TENM2: variants seen among roughly 807,000 people sequenced by gnomAD.
TENM2 encodes the protein teneurin transmembrane protein 2.
TENM2 carries 52 observed loss-of-function variants against 245.2 expected under a neutral mutation model. The observed-to-expected ratio is 0.21, with a 90% CI of 0.17 to 0.27. The LOEUF (loss-of-function observed/expected upper bound fraction) is 0.27. Ranked by LOEUF, TENM2 falls within the 10% of genes least tolerant of loss-of-function variation. The pLI is 1.00. For synonymous variants in TENM2, 1,363 were observed against 1,438.9 expected (o/e 0.95, Z 1.19); for missense variants, 3,046 against 3,666.8 (o/e 0.83, Z 4.37).
At chr5:167,701,558 A>G (rs1023324957) in intron 2 of TENM2, among the ~76,000 whole-genome samples, 3 of 152,202 alleles carry the variant, frequency 2.0e-5, no homozygotes, top group African/African-American at 7.2e-5. Flanking sequence ...TTTGCTTCTC[A>G]CTAACTGCAT....
the TENM2 span, among the ~76,000 whole-genome samples, chr5:166,999,724 G>A: frequency 3.9e-5 from 6 of 152,224 alleles, no homozygotes; most frequent in Middle Eastern, 3.4e-3. Context: ...ACAAGTTTTC[G>A]AGGAAAAGAT....
chr5:167,908,546 TGCCCTCTCTTCTCCTCTCTC>T, intron 3 of TENM2, among the ~76,000 whole-genome samples: 1 of 37,256 alleles, frequency 2.7e-5, no homozygotes, highest in Non-Finnish European at 5.3e-5. Context: ...TCTCCTCCCC[TGCCCTCTCTTCTCCTCTCTC>T]CTCCCCTCCC....
chr5:167,422,317 G>T (rs1763559626), intron 2 of TENM2, among the ~76,000 whole-genome samples: 1 of 152,136 alleles, frequency 6.6e-6, no homozygotes, highest in South Asian at 2.1e-4. Flanking sequence ...ACAATGTGCA[G>T]TTCAACATAA....
chr5:167,976,188 A>G (rs137895834), intron 4 of TENM2, among the ~76,000 whole-genome samples: 171 of 152,190 alleles, frequency 1.1e-3, no homozygotes, highest in Non-Finnish European at 1.8e-3. Context: ...TTGAGCACCT[A>G]TGAAAATAAC....
rs1442706503 is a variant in TENM2, at chr5:167,859,620, T to C, written c.503-16366T>C. ...GGGAGGGAGGTGGGGGGGTCAGCCC[T>C]CCGCCCGGCCAGCCGCCCCGTCTGG... On this transcript the variant is annotated intron_variant, in intron 2 of 28. Coordinates refer to ENST00000518659, the Ensembl canonical transcript of TENM2. Among the ~76,000 whole-genome samples the C allele has an allele frequency of 4.4e-3, 311 of 69,992 alleles. 2 individuals carry two copies. Among genetic ancestry groups the C allele is most frequent in the African/African-American group, 0.018 (266 of 15,180 alleles). 45.9% of individuals were successfully genotyped at this position (69,992 alleles called of 152,430 possible). A position where few individuals can be genotyped will look rare whatever the true frequency, so the allele number is the denominator to read the frequency against.
chr5:167,617,595 C>G (rs1777871965), intron 2 of TENM2, among the ~76,000 whole-genome samples: 3 of 152,276 alleles, frequency 2.0e-5, no homozygotes, highest in African/African-American at 7.2e-5. Flanking sequence ...TTTGCAGACT[C>G]ATATTCTGTC....
At chr5:167,350,835 A>G (rs540304435) in intron 1 of TENM2, among the ~76,000 whole-genome samples, 7 of 123,564 alleles carry the variant, frequency 5.7e-5, no homozygotes, top group Non-Finnish European at 8.3e-5. Flanking sequence ...TATATGGGAT[A>G]TATACATATG....
At chr5:168,005,474 C>A (rs550856653) in intron 5 of TENM2, among the ~76,000 whole-genome samples, 2 of 152,338 alleles carry the variant, frequency 1.3e-5, no homozygotes, top group African/African-American at 4.8e-5. Flanking sequence ...TGTCTCACCC[C>A]TCCCCAAAAA....
chr5:167,710,146 T>C (rs1270684995), intron 2 of TENM2, among the ~76,000 whole-genome samples: 7 of 152,174 alleles, frequency 4.6e-5, no homozygotes, highest in African/African-American at 9.7e-5. Context: ...AATCACTCTT[T>C]GAGAAGAAGC....
At chr5:167,852,768 G>A (rs1213078680) in intron 2 of TENM2, among the ~76,000 whole-genome samples, 2 of 152,096 alleles carry the variant, frequency 1.3e-5, no homozygotes, top group Admixed American at 6.6e-5. Flanking sequence ...GTGTGTACTC[G>A]TAGAATTCAA....
At chr5:167,958,706 A>C (rs934921142) in intron 4 of TENM2, among the ~76,000 whole-genome samples, 2 of 152,142 alleles carry the variant, frequency 1.3e-5, no homozygotes. Flanking sequence ...ATTTGCTTGT[A>C]TGTAAAGGAT....
At chr5:167,260,145 TATC>T in the TENM2 span, among the ~76,000 whole-genome samples, 1 of 152,190 alleles carries the variant, frequency 6.6e-6, no homozygotes, top group Admixed American at 6.5e-5. Context: ...GACTAACAAG[TATC>T]ATCTAGTTAT....
intron 2 of TENM2, among the ~76,000 whole-genome samples, chr5:167,579,030 T>C (rs1774903887): frequency 6.6e-6 from 1 of 152,178 alleles, no homozygotes; most frequent in Non-Finnish European, 1.5e-5. Context: ...TGTAGATGAG[T>C]GACTTTCCTT....
intron 23 of TENM2, 55 bp from the exon 26 acceptor site, chr5:168,226,033 C>A: frequency 1.3e-6 from 2 of 1,515,944 alleles, no homozygotes; most frequent in South Asian, 2.5e-5. Flanking sequence ...GGAACACTGT[C>A]AGCCCCAATG....
At chr5:167,706,872 G>A (rs969047627) in intron 2 of TENM2, among the ~76,000 whole-genome samples, 5 of 151,844 alleles carry the variant, frequency 3.3e-5, no homozygotes, top group Admixed American at 6.6e-5. Flanking sequence ...AAAATTGGCC[G>A]GGCATGGTGG....
intron 1 of TENM2, among the ~76,000 whole-genome samples, chr5:167,289,640 G>C (rs1754525408): frequency 6.6e-6 from 1 of 152,156 alleles, no homozygotes; most frequent in African/African-American, 2.4e-5. Context: ...ACTAATTCTT[G>C]CTCCTATGAT....
At chr5:168,026,285 G>C (rs935427415) in intron 5 of TENM2, among the ~76,000 whole-genome samples, 1 of 152,152 alleles carries the variant, frequency 6.6e-6, no homozygotes, top group African/African-American at 2.4e-5. Flanking sequence ...TTTATTCACT[G>C]ACGTGAGGAT....
At chr5:168,203,437 A>G (rs191243266) in intron 17 of TENM2, among the ~76,000 whole-genome samples, 213 of 152,348 alleles carry the variant, frequency 1.4e-3, no homozygotes, top group Middle Eastern at 3.4e-3. Context: ...CCAGTCGTTC[A>G]TTGGAAAGGT....
At chr5:168,183,702 C>T (rs1384228283) in intron 13 of TENM2, among the ~76,000 whole-genome samples, 1 of 151,982 alleles carries the variant, frequency 6.6e-6, no homozygotes, top group Non-Finnish European at 1.5e-5. Context: ...TCATTATTAG[C>T]TGATCTCAAA....
Sources: gnomAD v4.1 joint callset for allele counts (sites outside exome capture counted in the v4.1 genomes callset) on GRCh38, gnomAD v4.1.1 for gene constraint, MANE v1.5 for transcripts, NCBI Gene and HGNC (gene_info 2026-07-23, HGNC 2026-07-21) for gene names.